The following FARSB variants were observed in gnomAD, a reference collection of about 807,000 sequenced individuals.
FARSB encodes the protein phenylalanine--tRNA ligase beta subunit.
FARSB carries 40 observed loss-of-function variants against 69.6 expected under a neutral mutation model. That is an observed-to-expected ratio of 0.57 (90% confidence interval 0.45 to 0.75). The LOEUF (loss-of-function observed/expected upper bound fraction) is 0.75. FARSB is among the 30% of genes least tolerant of loss of function. The pLI is 0.00. For synonymous variants in FARSB, 235 were observed against 247.2 expected (o/e 0.95, Z 0.46); for missense variants, 632 against 722.9 (o/e 0.87, Z 1.44).
chr2:222,575,014 G>T (rs1035271680), intron 16 of FARSB, among the ~76,000 whole-genome samples: 8 of 152,214 alleles, frequency 5.3e-5, no homozygotes, highest in Non-Finnish European at 1.2e-4. Flanking sequence ...ACCAAACTTT[G>T]CAGGCAGAAG....
rs1466391476 is a variant in FARSB at position 222,613,809 on chromosome 2, A to T, written c.1462+2T>A. On this transcript the variant is annotated splice_donor_variant, in intron 15 of 16. Coordinates refer to ENST00000281828, the MANE Select transcript of FARSB (RefSeq NM_005687.5). LOFTEE classifies it high-confidence loss of function. ...ATCAAATCAAAGGTGACTTATTCTT[A>T]CCTGTATTAGAATCTTTTATTACAA... 3 of 1,493,256 alleles carry T rather than the reference A, an allele frequency of 2.0e-6. No homozygotes were observed. The highest frequency in any genetic ancestry group is 2.8e-6 in the Non-Finnish European group (3 of 1,070,258). 92.5% of individuals were successfully genotyped at this position (1,493,256 alleles called of 1,614,324 possible).
At chr2:222,595,000 T>C (rs2106193200) in intron 16 of FARSB, among the ~76,000 whole-genome samples, 1 of 152,342 alleles carries the variant, frequency 6.6e-6, no homozygotes, top group South Asian at 2.1e-4. Context: ...TGTCTTTTAA[T>C]TCCTTCAAAG....
At chr2:222,581,140 T>C (rs979878761) in intron 16 of FARSB, among the ~76,000 whole-genome samples, 6 of 152,142 alleles carry the variant, frequency 3.9e-5, no homozygotes, top group Non-Finnish European at 7.3e-5. Context: ...TCAACCCCAG[T>C]GTAAAACAAA....
chr2:222,586,145 G>C (rs1017307486), intron 16 of FARSB, among the ~76,000 whole-genome samples: 1 of 152,216 alleles, frequency 6.6e-6, no homozygotes, highest in South Asian at 2.1e-4. Flanking sequence ...AACCCCATCA[G>C]ACTAACAGCG....
In FARSB at chr2:222,607,648, T is replaced by TA. The variant is rs111339075; in HGVS notation, c.1462+6162dup. 9.3e-4 allele frequency among the ~76,000 whole-genome samples: 138 copies of TA among 148,584 alleles called. 1 individual carries two copies. The highest frequency in any genetic ancestry group is 1.6e-3 in the Non-Finnish European group (110 of 66,946). ...GTAGGACTAAGGAGAAGTTGGATAT[T>TA]AAAAAAAAAAAAATAAGAAAAGATT... On this transcript the variant is annotated intron_variant, in intron 15 of 16. Transcript: ENST00000281828.
At chr2:222,588,194 G>C (rs1422703957) in intron 16 of FARSB, among the ~76,000 whole-genome samples, 4 of 152,174 alleles carry the variant, frequency 2.6e-5, no homozygotes, top group African/African-American at 9.6e-5. Context: ...TGGGATGCAA[G>C]GCTGGTTCAA....
At chr2:222,581,612 G>C (rs913078268) in intron 16 of FARSB, among the ~76,000 whole-genome samples, 2 of 152,130 alleles carry the variant, frequency 1.3e-5, no homozygotes, top group Non-Finnish European at 2.9e-5. Context: ...TAATTTCCTA[G>C]ATAAACCATA....
Position 222,610,920 on chromosome 2 carries a change from CAG to C in FARSB, c.1462+2889_1462+2890del, listed in dbSNP as rs557274493. Among the ~76,000 whole-genome samples, 341 of 152,300 alleles carry C rather than the reference CAG, an allele frequency of 2.2e-3. 2 individuals carry two copies. Among genetic ancestry groups the C allele is most frequent in the Middle Eastern group, 0.014 (4 of 294 alleles). ...GACTCAAAGCCAAGCACTCTGGCTGCAGAGTCTCTCTATGGAACTGTGGTGCT... is the reference window on the plus strand; with the variant it reads ...GACTCAAAGCCAAGCACTCTGGCTGCAGTCTCTCTATGGAACTGTGGTGCT... On this transcript the variant is annotated intron_variant, in intron 15 of 16. Coordinates refer to ENST00000281828, the MANE Select transcript of FARSB (RefSeq NM_005687.5).
At chr2:222,607,142 G>C (rs970951480) in intron 15 of FARSB, among the ~76,000 whole-genome samples, 1 of 152,184 alleles carries the variant, frequency 6.6e-6, no homozygotes, top group Non-Finnish European at 1.5e-5. Context: ...ATCTTGTGAA[G>C]ACATAATGCC....
chr2:222,634,209 TAAATA>T (rs1691515035), intron 6 of FARSB, among the ~76,000 whole-genome samples, 177 bp downstream of exon 6: 1 of 152,168 alleles, frequency 6.6e-6, no homozygotes, highest in Non-Finnish European at 1.5e-5. Context: ...AATTTAATAA[TAAATA>T]AAATAAAACT....
chr2:222,630,812 T>A (rs1691402028), intron 8 of FARSB, among the ~76,000 whole-genome samples: 1 of 152,190 alleles, frequency 6.6e-6, no homozygotes, highest in Admixed American at 6.5e-5. Context: ...TTAAATTTTT[T>A]AAAAAATTAA....
intron 3 of FARSB, among the ~76,000 whole-genome samples, chr2:222,641,395 T>C (rs1233286216): frequency 6.6e-6 from 1 of 152,180 alleles, no homozygotes; most frequent in Non-Finnish European, 1.5e-5. Flanking sequence ...ATTTGGTAAA[T>C]GGTGCATTTT....
intron 15 of FARSB, among the ~76,000 whole-genome samples, chr2:222,613,075 C>G (rs968100136): frequency 3.3e-5 from 5 of 152,168 alleles, no homozygotes; most frequent in African/African-American, 1.2e-4. Context: ...CAGTGCTTGT[C>G]AAGTTGAGGT....
Position 222,570,323 on chromosome 2 carries a change from T to G in FARSB, c.*1548A>C, listed in dbSNP as rs886668138. On this transcript the variant is annotated 3_prime_UTR_variant, in exon 17 of 17. Coordinates refer to ENST00000281828, the MANE Select transcript of FARSB (RefSeq NM_005687.5). ...CATGCATTATTTTTAGAGGGCATAT[T>G]TCATTTTTAAAATGTTGTAAGGATC... is the stretch of plus-strand genomic sequence containing the variant. Among the ~76,000 whole-genome samples, 1 of 152,206 alleles carries G rather than the reference T, an allele frequency of 6.6e-6. No homozygotes were observed. Among genetic ancestry groups the G allele is most frequent in the African/African-American group, 2.4e-5 (1 of 41,452 alleles).
chr2:222,645,443 T>C (rs924440495), intron 2 of FARSB, among the ~76,000 whole-genome samples: 1 of 152,166 alleles, frequency 6.6e-6, no homozygotes, highest in African/African-American at 2.4e-5. Flanking sequence ...TCTGTAACAT[T>C]AGTAAGGCAG....
intron 16 of FARSB, among the ~76,000 whole-genome samples, chr2:222,586,754 CAAAG>C (rs1273567515): frequency 7.2e-5 from 11 of 152,074 alleles, no homozygotes; most frequent in African/African-American, 2.7e-4. Flanking sequence ...TCAAAAGAGA[CAAAG>C]AAGGCCATTA....
At chr2:222,636,023 T>C (rs1216667141) in intron 5 of FARSB, among the ~76,000 whole-genome samples, 4 of 146,784 alleles carry the variant, frequency 2.7e-5, no homozygotes, top group Non-Finnish European at 5.9e-5. Context: ...AAGGCTATAG[T>C]GAGCTGTGAT....
intron 9 of FARSB, 111 bp from the exon 10 acceptor site, chr2:222,628,999 T>C: frequency 2.7e-6 from 2 of 743,886 alleles, no homozygotes; most frequent in Non-Finnish European, 4.7e-6. Context: ...AGCCTCAACA[T>C]ACTCCATCTA....
intron 1 of FARSB, among the ~76,000 whole-genome samples, chr2:222,651,067 C>A (rs780296346): frequency 6.6e-6 from 1 of 151,998 alleles, no homozygotes; most frequent in African/African-American, 2.4e-5. Flanking sequence ...GGCTTTGAGG[C>A]GTGTAAATGA....
Sources: allele counts gnomAD v4.1 joint callset (sites outside exome capture counted in the v4.1 genomes callset), GRCh38; gene constraint gnomAD v4.1.1; transcripts MANE v1.5; gene names NCBI Gene and HGNC (gene_info 2026-07-23, HGNC 2026-07-21).